The following TRPS1 variants were observed in gnomAD, a reference collection of about 807,000 sequenced individuals.
TRPS1 encodes the protein transcriptional repressor GATA binding 1.
In TRPS1, 6 loss-of-function variants were observed where a neutral mutation model predicts 101.2. The observed-to-expected ratio is 0.06, with a 90% CI of 0.03 to 0.12. The LOEUF is 0.12. Among genes scored for constraint, TRPS1 ranks in the 10% least tolerant of loss-of-function variants. TRPS1 has a pLI of 1.00. For missense variants in TRPS1, 1,363 were observed against 1,567.0 expected (o/e 0.87, Z 2.20); for synonymous variants, 578 against 589.8 (o/e 0.98, Z 0.29).
intron 5 of TRPS1, among the ~76,000 whole-genome samples, chr8:115,451,829 C>A (rs1413723782): frequency 6.6e-6 from 1 of 152,102 alleles, no homozygotes; most frequent in Non-Finnish European, 1.5e-5. Flanking sequence ...AGAGAAAGAA[C>A]GTGCTCAGAA....
intron 5 of TRPS1, among the ~76,000 whole-genome samples, chr8:115,480,540 T>C (rs185611728): frequency 1.6e-4 from 25 of 152,166 alleles, no homozygotes; most frequent in East Asian, 3.9e-4. Flanking sequence ...TGGGTAAAGA[T>C]TGATTTTTAT....
intron 5 of TRPS1, among the ~76,000 whole-genome samples, chr8:115,534,194 G>GGA (rs2130278426): frequency 6.6e-6 from 1 of 151,904 alleles, no homozygotes; most frequent in South Asian, 2.1e-4. Flanking sequence ...CCATCACACT[G>GGA]GAGATTGAAG....
At chr8:115,644,522 T>C (rs947020483) in intron 1 of TRPS1, among the ~76,000 whole-genome samples, 1 of 152,234 alleles carries the variant, frequency 6.6e-6, no homozygotes, top group African/African-American at 2.4e-5. Flanking sequence ...CGTGGCTGGC[T>C]TGATCTTCTA....
At chr8:115,472,575 C>T (rs1033562724) in intron 5 of TRPS1, among the ~76,000 whole-genome samples, 3 of 152,278 alleles carry the variant, frequency 2.0e-5, no homozygotes, top group Non-Finnish European at 4.4e-5. Flanking sequence ...CTGCAGGAGG[C>T]TTGAATTTCC....
intron 1 of TRPS1, among the ~76,000 whole-genome samples, chr8:115,643,505 C>T (rs563969573): frequency 6.6e-6 from 1 of 152,332 alleles, no homozygotes; most frequent in Non-Finnish European, 1.5e-5. Context: ...AAAGCAACAC[C>T]TCATCCATTC....
intron 5 of TRPS1, among the ~76,000 whole-genome samples, chr8:115,499,964 TTTTC>T (rs1228915756): frequency 2.3e-4 from 12 of 51,794 alleles, no homozygotes; most frequent in African/African-American, 5.3e-4. Context: ...TCTTTCTTTC[TTTTC>T]TTTTCTTTTC....
At position 115,413,928 on chromosome 8, in the gene TRPS1, A is replaced by G. The variant is rs1812847560; in HGVS notation, c.*95T>C. The stretch of plus-strand genomic sequence containing the variant: ...ATGTTGGATAAGGCAGGCTCTATGA[A>G]GTATTTTTTTAATAGGTCTTCATAA... On this transcript the variant is annotated 3_prime_UTR_variant, in exon 7 of 7. Coordinates refer to ENST00000395715, the MANE Select transcript of TRPS1 (RefSeq NM_014112.5). 1 of 1,260,826 alleles carries G rather than the reference A, an allele frequency of 7.9e-7. No homozygotes were observed. The highest frequency in any genetic ancestry group is 1.5e-5 in the African/African-American group (1 of 66,386). The allele number at this position is 1,260,826 out of a possible 1,614,324, so 78.1% of individuals were successfully genotyped here.
chr8:115,598,391 T>A (rs1817835139), intron 4 of TRPS1, among the ~76,000 whole-genome samples: 1 of 152,164 alleles, frequency 6.6e-6, no homozygotes, highest in African/African-American at 2.4e-5. Flanking sequence ...TACTGCAGCC[T>A]CGACCTCCTG....
chr8:115,625,368 T>C (rs1439673361), intron 1 of TRPS1, among the ~76,000 whole-genome samples: 1 of 151,944 alleles, frequency 6.6e-6, no homozygotes, highest in African/African-American at 2.4e-5. Context: ...ATTTCTAAAA[T>C]TCCCCCACCT....
intron 5 of TRPS1, among the ~76,000 whole-genome samples, chr8:115,520,506 T>C (rs372700143): frequency 1.3e-5 from 2 of 151,920 alleles, no homozygotes; most frequent in South Asian, 2.1e-4. Context: ...GGAAAACTAA[T>C]TTTAACATGA....
In TRPS1 at chr8:115,570,305, A is replaced by T. The variant is rs552786107; in HGVS notation, c.2700+16696T>A. On this transcript the variant is annotated intron_variant, in intron 5 of 6. Coordinates refer to ENST00000395715, the MANE Select transcript of TRPS1 (RefSeq NM_014112.5). The stretch of plus-strand genomic sequence containing the variant: ...TAATTCATCAGTCCTAAAAGAGTAT[A>T]CAAATAATAATCAATTTATAATTAT... Among the ~76,000 whole-genome samples the T allele has an allele frequency of 3.9e-5, 6 of 152,270 alleles. No individual in the cohort carries two copies. The East Asian group carries it at 1.2e-3, about 29-fold the overall frequency.
intron 5 of TRPS1, among the ~76,000 whole-genome samples, chr8:115,527,695 G>C (rs1271887305): frequency 2.0e-5 from 3 of 151,964 alleles, no homozygotes; most frequent in Non-Finnish European, 4.4e-5. Flanking sequence ...GAGAAGAAAA[G>C]TCAACTTTAA....
intron 1 of TRPS1, among the ~76,000 whole-genome samples, chr8:115,647,197 C>T (rs1234900324): frequency 6.6e-6 from 1 of 152,022 alleles, no homozygotes; most frequent in South Asian, 2.1e-4. Context: ...TCAGTCATTG[C>T]AAAATATCTC....
intron 1 of TRPS1, among the ~76,000 whole-genome samples, chr8:115,647,763 TA>T (rs751703170): frequency 6.6e-6 from 1 of 152,194 alleles, no homozygotes; most frequent in Non-Finnish European, 1.5e-5. Context: ...GTTATCTCCA[TA>T]AAAAATGGGC....
intron 5 of TRPS1, among the ~76,000 whole-genome samples, chr8:115,568,653 A>G (rs2130388764): frequency 6.6e-6 from 1 of 152,242 alleles, no homozygotes; most frequent in East Asian, 1.9e-4. Flanking sequence ...TGGCTTTTTT[A>G]GGAAAAAAAA....
chr8:115,436,035 CACACACACAT>C (rs1470553515), intron 5 of TRPS1, among the ~76,000 whole-genome samples: 1 of 151,066 alleles, frequency 6.6e-6, no homozygotes, highest in Admixed American at 6.6e-5. Flanking sequence ...CACACACACA[CACACACACAT>C]TCAGCTAAGG....
intron 5 of TRPS1, among the ~76,000 whole-genome samples, chr8:115,547,834 A>C (rs1353169359): frequency 1.3e-5 from 2 of 152,162 alleles, no homozygotes. Context: ...TGAATTAATT[A>C]CCTGAGAACT....
At chr8:115,469,591 C>G (rs376230775) in intron 5 of TRPS1, among the ~76,000 whole-genome samples, 1 of 152,196 alleles carries the variant, frequency 6.6e-6, no homozygotes, top group South Asian at 2.1e-4. Flanking sequence ...TTCCACCTCC[C>G]GGGTTCAAGT....
chr8:115,608,441 T>G (rs1818088355), intron 3 of TRPS1, among the ~76,000 whole-genome samples: 1 of 152,250 alleles, frequency 6.6e-6, no homozygotes, highest in Admixed American at 6.5e-5. Context: ...TCAAGATACT[T>G]ACATTGTAAG....
Sources: gnomAD v4.1 joint callset for allele counts (sites outside exome capture counted in the v4.1 genomes callset) on GRCh38, gnomAD v4.1.1 for gene constraint, MANE v1.5 for transcripts, NCBI Gene and HGNC (gene_info 2026-07-23, HGNC 2026-07-21) for gene names.